MOB3B: variants seen among roughly 807,000 people sequenced by gnomAD.
MOB3B encodes the protein MOB kinase activator-like 2B.
Under a neutral mutation model 18.7 loss-of-function variants are expected in MOB3B, and 7 were observed. The observed-to-expected ratio is 0.37, with a 90% CI of 0.21 to 0.70. The LOEUF (loss-of-function observed/expected upper bound fraction) is 0.70, where lower values mean the gene tolerates loss of function less well. Among genes scored for constraint, MOB3B ranks in the 30% least tolerant of loss-of-function variants. The pLI is 0.52. For synonymous variants in MOB3B, 111 were observed against 99.9 expected (o/e 1.11, Z -0.66); for missense variants, 253 against 281.3 (o/e 0.90, Z 0.72).
chr9:27,455,254 C>T lies in MOB3B; in HGVS notation c.297G>A (p.Arg99=). ...VMSGGPKYEY[R]WQDDLKYKKP... ...TCTTATACTTGAGATCATCCTGCCACCGATACTCATATTTGGGGCCCCCTG... is the reference window on the plus strand; with the variant it reads ...TCTTATACTTGAGATCATCCTGCCATCGATACTCATATTTGGGGCCCCCTG... The change falls in exon 2 of 4, where the codon CGG becomes CGA. Residue 99 remains arginine, a synonymous_variant. Transcript: ENST00000262244. The T allele has an allele frequency of 6.2e-7, 1 of 1,614,132 alleles. No individual in the cohort carries two copies. Among genetic ancestry groups the T allele is most frequent in the African/African-American group, 1.3e-5 (1 of 75,034 alleles).
At chr9:27,336,987 T>G (rs10757653) in intron 3 of MOB3B, among the ~76,000 whole-genome samples, 1 of 152,100 alleles carries the variant, frequency 6.6e-6, no homozygotes, top group Non-Finnish European at 1.5e-5. Flanking sequence ...AGTGCCTCCC[T>G]GCCCATTAAT....
At chr9:27,418,364 CA>C (rs1822187850) in intron 2 of MOB3B, among the ~76,000 whole-genome samples, 1 of 151,866 alleles carries the variant, frequency 6.6e-6, no homozygotes, top group Admixed American at 6.6e-5. Context: ...ATACCAAAAC[CA>C]GGAAAAAATA....
chr9:27,399,014 C>G (rs578212490), intron 2 of MOB3B, among the ~76,000 whole-genome samples: 4 of 151,946 alleles, frequency 2.6e-5, no homozygotes, highest in African/African-American at 9.7e-5. Flanking sequence ...GGGTGGGAAA[C>G]AGACTCTTTC....
chr9:27,450,148 G>T (rs1020830445), intron 2 of MOB3B, among the ~76,000 whole-genome samples: 1 of 152,024 alleles, frequency 6.6e-6, no homozygotes, highest in African/African-American at 2.4e-5. Context: ...TAGTCTCATC[G>T]GAAAGGTTAC....
chr9:27,520,440 A>G (rs562244311), intron 1 of MOB3B, among the ~76,000 whole-genome samples: 4 of 152,348 alleles, frequency 2.6e-5, no homozygotes, highest in African/African-American at 9.6e-5. Flanking sequence ...CAGTTATGCC[A>G]GACGAATTTA....
chr9:27,515,502 A>T (rs753497075), intron 1 of MOB3B, among the ~76,000 whole-genome samples: 4 of 152,192 alleles, frequency 2.6e-5, no homozygotes, highest in Non-Finnish European at 5.9e-5. Flanking sequence ...TGTACATTGC[A>T]TAGTAACTGT....
chr9:27,479,788 C>T (rs1248602368), intron 1 of MOB3B, among the ~76,000 whole-genome samples: 1 of 152,132 alleles, frequency 6.6e-6, no homozygotes, highest in East Asian at 1.9e-4. Context: ...TAACTTAAAA[C>T]TTTTTAAAAG....
At position 27,524,392 on chromosome 9, in the gene MOB3B, G is replaced by A. The variant is rs775181004; in HGVS notation, c.-199+5163C>T. On this transcript the variant is annotated intron_variant, in intron 1 of 3. Transcript: ENST00000262244. ...TGTTTGTGGCTTGAGATCCTTATGG[G>A]TATATTCATTGCTGGCACCCTATCC... 3.7e-6 allele frequency: 6 copies of A among 1,613,642 alleles called. No homozygotes were observed. The South Asian group carries it at 5.5e-5, about 15-fold the overall frequency.
chr9:27,408,645 G>A (rs1475789868), intron 2 of MOB3B, among the ~76,000 whole-genome samples: 1 of 152,122 alleles, frequency 6.6e-6, no homozygotes, highest in Non-Finnish European at 1.5e-5. Context: ...TGGCCCTCAT[G>A]CTGTAACCTC....
At chr9:27,458,847 A>T (rs563062739) in intron 1 of MOB3B, among the ~76,000 whole-genome samples, 216 of 152,140 alleles carry the variant, frequency 1.4e-3, no homozygotes, top group African/African-American at 4.9e-3. Flanking sequence ...GACAGGTGGT[A>T]TTATCTCCAT....
chr9:27,333,924 C>G (rs1820825769), intron 3 of MOB3B, among the ~76,000 whole-genome samples: 2 of 152,168 alleles, frequency 1.3e-5, no homozygotes, highest in East Asian at 3.9e-4. Flanking sequence ...AGGTCTCCAA[C>G]TGGCCAGTTT....
intron 2 of MOB3B, among the ~76,000 whole-genome samples, chr9:27,415,488 A>G (rs75433544): frequency 0.015 from 2,276 of 152,200 alleles, 29 homozygotes; most frequent in Middle Eastern, 0.034. Context: ...AAAAATAGGA[A>G]TTGGAGTCTC....
intron 3 of MOB3B, among the ~76,000 whole-genome samples, chr9:27,347,064 T>C (rs773718639): frequency 6.6e-6 from 1 of 152,192 alleles, no homozygotes. Context: ...GCAGTGACAA[T>C]CTATGTTATT....
rs1380594051 is a variant in MOB3B at position 27,441,134 on chromosome 9, C to T, written c.418+13999G>A. Among the ~76,000 whole-genome samples, 3 of 152,184 alleles carry T rather than the reference C, an allele frequency of 2.0e-5. No individual in the cohort carries two copies. In the East Asian group the frequency reaches 5.8e-4, roughly 29 times the overall value. ...TGGCCACTCACCTCCTGCTGTGCGG[C>T]CTGATTCATGACTTCCACCAACAAA... is the stretch of plus-strand genomic sequence containing the variant. On this transcript the variant is annotated intron_variant, in intron 2 of 3. Transcript: ENST00000262244.
At chr9:27,459,876 CAAA>C (rs35792761) in intron 1 of MOB3B, among the ~76,000 whole-genome samples, 11 of 86,736 alleles carry the variant, frequency 1.3e-4, no homozygotes, top group African/African-American at 3.6e-4. Context: ...TTTCAGTCTC[CAAA>C]AAAAAAAAAA....
chr9:27,338,802 T>C (rs1389246315), intron 3 of MOB3B, among the ~76,000 whole-genome samples: 1 of 152,184 alleles, frequency 6.6e-6, no homozygotes, highest in African/African-American at 2.4e-5. Context: ...AATAGCTGTA[T>C]GTATCAGAGG....
At chr9:27,334,236 T>TA (rs370463923) in intron 3 of MOB3B, among the ~76,000 whole-genome samples, 82 of 152,328 alleles carry the variant, frequency 5.4e-4, no homozygotes, top group African/African-American at 1.7e-3. Flanking sequence ...TCCAACATGA[T>TA]AAATTTATCT....
chr9:27,381,983 T>C (rs536092987), intron 2 of MOB3B, among the ~76,000 whole-genome samples: 5 of 152,158 alleles, frequency 3.3e-5, no homozygotes, highest in Non-Finnish European at 7.3e-5. Flanking sequence ...ATTAACCTGA[T>C]ACGAGTGGGC....
intron 3 of MOB3B, among the ~76,000 whole-genome samples, chr9:27,336,102 A>G (rs1445659650): frequency 6.6e-6 from 1 of 152,224 alleles, no homozygotes; most frequent in Non-Finnish European, 1.5e-5. Flanking sequence ...GCACTTTCTC[A>G]CAACTCTATG....
Sources: allele counts gnomAD v4.1 joint callset (sites outside exome capture counted in the v4.1 genomes callset), GRCh38; gene constraint gnomAD v4.1.1; transcripts MANE v1.5; gene names NCBI Gene and HGNC (gene_info 2026-07-23, HGNC 2026-07-21).